The following PPP1R8 variants were observed in gnomAD, a reference collection of about 807,000 sequenced individuals.
PPP1R8 encodes the protein nuclear inhibitor of protein phosphatase 1.
Under a neutral mutation model 31.3 loss-of-function variants are expected in PPP1R8, and 4 were observed. The ratio of observed to expected loss-of-function variants is 0.13; its 90% CI spans 0.06 to 0.29. The LOEUF is 0.29. Ranked by LOEUF, PPP1R8 falls within the 10% of genes least tolerant of loss-of-function variation. The probability of loss-of-function intolerance (pLI) is 1.00; values close to 1 mark genes in which losing one functional copy is unlikely to be tolerated. For missense variants in PPP1R8, 254 were observed against 440.1 expected, an observed-to-expected ratio of 0.58 and a Z score of 3.78; for synonymous variants, 170 against 169.7, an observed-to-expected ratio of 1.00 and a Z score of -0.01.
chr1:27,838,202 C>T (rs1215557374), intron 2 of PPP1R8, among the ~76,000 whole-genome samples: 1 of 137,674 alleles, frequency 7.3e-6, no homozygotes, highest in African/African-American at 2.9e-5. Context: ...CAGGGTGGGA[C>T]TCCATCTCAA....
intron 1 of PPP1R8, among the ~76,000 whole-genome samples, chr1:27,832,458 C>T (rs1233432616): frequency 2.6e-5 from 4 of 152,192 alleles, no homozygotes; most frequent in Admixed American, 6.5e-5. Context: ...AGCTATCGTA[C>T]TTGCACTCTC....
intron 1 of PPP1R8, among the ~76,000 whole-genome samples, chr1:27,832,381 C>G (rs749053057): frequency 6.6e-6 from 1 of 152,144 alleles, no homozygotes; most frequent in Non-Finnish European, 1.5e-5. Context: ...CTAATTTATT[C>G]GGTCTTTATA....
intron 1 of PPP1R8, chr1:27,831,336 CACTT>C: frequency 1.0e-6 from 1 of 991,800 alleles, no homozygotes; most frequent in Non-Finnish European, 1.2e-6. Context: ...CCTCGTGCGG[CACTT>C]GTCTGTCTGC....
At chr1:27,845,783 C>CTTTTTTTTTTTTTTT (rs773994854) in intron 5 of PPP1R8, among the ~76,000 whole-genome samples, 17 of 91,818 alleles carry the variant, frequency 1.9e-4, no homozygotes, top group African/African-American at 3.0e-4. Context: ...TTCTTTCTTT[C>CTTTTTTTTTTTTTTT]TTTTTTTTTT....
chr1:27,830,852 A>G lies in PPP1R8; in HGVS notation c.17A>G (p.Asn6Ser). MAAAA[N>S]SGSSLPLFDC... ...AGACGCAAGATGGCGGCAGCCGCGA[A>G]CTCCGGCTCTAGCCTCCCGCTGTTC... is the stretch of plus-strand genomic sequence containing the variant. The change falls in exon 1 of 7, where the codon AAC (asparagine) becomes AGC (serine). Residue 6 changes from asparagine (N) to serine (S), a missense_variant. This residue lies in a region of PPP1R8 where 38 missense variants were observed against 18.6 expected (regional missense o/e 2.04). Coordinates refer to ENST00000311772, the MANE Select transcript of PPP1R8 (RefSeq NM_014110.5). 6.3e-7 allele frequency: 1 copy of G among 1,576,422 alleles called. No individual in the cohort carries two copies. Among genetic ancestry groups the G allele is most frequent in the South Asian group, 1.2e-5 (1 of 85,926 alleles).
At chr1:27,831,061 G>A (rs2089097715) in intron 1 of PPP1R8, 170 bp downstream of exon 1, 5 of 1,388,400 alleles carry the variant, frequency 3.6e-6, no homozygotes, top group Non-Finnish European at 4.7e-6. Flanking sequence ...GAAGAACCGA[G>A]AGCCTGGAGC....
intron 2 of PPP1R8, among the ~76,000 whole-genome samples, chr1:27,835,068 T>C (rs539269884): frequency 1.2e-4 from 19 of 152,284 alleles, no homozygotes; most frequent in Non-Finnish European, 2.2e-4. Context: ...GTGCCTTTAA[T>C]ACTGAATGTG....
chr1:27,850,869 T>G lies in PPP1R8; in HGVS notation c.*423T>G. ...ATTCACTATCCTTCCAAGTCCCGGG[T>G]AGCAGAAGGGTTGCCATAGATCTCA... On this transcript the variant is annotated 3_prime_UTR_variant, in exon 7 of 7. Transcript: ENST00000311772. The G allele has an allele frequency of 6.4e-6, 1 of 157,194 alleles. No individual in the cohort carries two copies. The allele number at this position is 157,194 out of a possible 1,614,324, so 9.7% of individuals were successfully genotyped here.
chr1:27,840,990 C>A (rs78131453), intron 3 of PPP1R8, 24 bp from the exon 4 acceptor site: 1 of 1,610,684 alleles, frequency 6.2e-7, no homozygotes, highest in East Asian at 2.2e-5. Context: ...TTCCCCCTTA[C>A]GTTTCTGATT....
chr1:27,833,871 G>T lies in PPP1R8; in HGVS notation c.117+1055G>T, dbSNP rs185828656. ...ACCAGGTATTTTGCAAAGTATTAAGGCATGCACGAGTTTTAATGATTTCTC... is the reference window on the plus strand; with the variant it reads ...ACCAGGTATTTTGCAAAGTATTAAGTCATGCACGAGTTTTAATGATTTCTC... On this transcript the variant is annotated intron_variant, in intron 2 of 6. Coordinates refer to ENST00000311772, the MANE Select transcript of PPP1R8 (RefSeq NM_014110.5). 3.9e-5 allele frequency among the ~76,000 whole-genome samples: 6 copies of T among 152,246 alleles called. No homozygotes were observed. In the East Asian group the frequency reaches 9.6e-4, roughly 24 times the overall value.
chr1:27,844,767 G>C (rs2089257171), intron 5 of PPP1R8, among the ~76,000 whole-genome samples: 1 of 138,246 alleles, frequency 7.2e-6, no homozygotes, highest in Non-Finnish European at 1.5e-5. Flanking sequence ...TGGAGTGCTG[G>C]AGTGCAGTGG....
intron 4 of PPP1R8, among the ~76,000 whole-genome samples, chr1:27,841,676 C>A (rs2089224216): frequency 6.6e-6 from 1 of 152,198 alleles, no homozygotes; most frequent in East Asian, 1.9e-4. Context: ...ACAGAAAGTT[C>A]TGTCAGACAG....
At position 27,843,240 on chromosome 1, in the gene PPP1R8, G is replaced by A. The variant is rs887850044; in HGVS notation, c.547G>A (p.Glu183Lys). Residue 183 changes from glutamate (E) to lysine (K), a missense_variant, in exon 5 of 7, where the codon GAG becomes AAG. Transcript: ENST00000311772. ...CAAGCGGATTTCTACCCTTACCATT[G>A]AGGAGGGAAATCTGGACATTCAAAG... ...HNKRISTLTI[E>K]EGNLDIQRPK... The A allele has an allele frequency of 1.9e-6, 3 of 1,614,068 alleles. No homozygotes were observed. The African/African-American group carries it at 4.0e-5, about 22-fold the overall frequency.
In PPP1R8 at chr1:27,849,724, T is replaced by C. The variant is rs537619205; in HGVS notation, c.703-369T>C. ...GGCTGGTCTCAAACTCCTGATCTCA[T>C]GTGTTCCTCCTAAAAGGGCATTTTA... On this transcript the variant is annotated intron_variant, in intron 6 of 6. Coordinates refer to ENST00000311772, the MANE Select transcript of PPP1R8 (RefSeq NM_014110.5). Among the ~76,000 whole-genome samples, 5 of 152,252 alleles carry C rather than the reference T, an allele frequency of 3.3e-5. No homozygotes were observed. The South Asian group carries it at 1.0e-3, about 32-fold the overall frequency.
intron 2 of PPP1R8, among the ~76,000 whole-genome samples, chr1:27,834,932 C>T (rs534041804): frequency 3.7e-4 from 57 of 152,214 alleles, no homozygotes; most frequent in African/African-American, 1.3e-3. Flanking sequence ...GCAGGAGAAT[C>T]GCTTGAACCC....
chr1:27,836,436 G>A (rs1211639904), intron 2 of PPP1R8, among the ~76,000 whole-genome samples: 1 of 152,148 alleles, frequency 6.6e-6, no homozygotes, highest in Non-Finnish European at 1.5e-5. Context: ...TTGTTTTCGA[G>A]ATAGAGTCTT....
At chr1:27,831,479 G>T (rs2089106804) in intron 1 of PPP1R8, 2 of 498,818 alleles carry the variant, frequency 4.0e-6, no homozygotes, top group Non-Finnish European at 5.2e-6. Context: ...TGGGAATAAT[G>T]AAATAATTTA....
chr1:27,839,019 C>G (rs755728267), intron 3 of PPP1R8, among the ~76,000 whole-genome samples, 167 bp downstream of exon 3: 1 of 152,142 alleles, frequency 6.6e-6, no homozygotes, highest in Non-Finnish European at 1.5e-5. Flanking sequence ...TAATTGCTAA[C>G]TGACTGTGGA....
At chr1:27,846,681 A>G (rs1481907812) in intron 5 of PPP1R8, among the ~76,000 whole-genome samples, 1 of 152,232 alleles carries the variant, frequency 6.6e-6, no homozygotes, top group East Asian at 1.9e-4. Context: ...AGAATGGGAA[A>G]GAACTTGGGG....
Sources: gnomAD v4.1 joint callset for allele counts (sites outside exome capture counted in the v4.1 genomes callset) on GRCh38, gnomAD v4.1.1 for gene constraint, gnomAD v4.1.1 regional missense constraint, MANE v1.5 for transcripts, NCBI Gene and HGNC (gene_info 2026-07-23, HGNC 2026-07-21) for gene names.